The following CCDC3 variants were observed in gnomAD, a reference collection of about 807,000 sequenced individuals.
CCDC3 encodes coiled-coil domain containing 3, also known as coiled-coil domain-containing protein 3.
In CCDC3, 24 loss-of-function variants were observed where a neutral mutation model predicts 21.4. The ratio of observed to expected loss-of-function variants is 1.12; its 90% confidence interval spans 0.81 to 1.58. The LOEUF (loss-of-function observed/expected upper bound fraction) is 1.58, where lower values mean the gene tolerates loss of function less well. Among genes scored for constraint, CCDC3 ranks in the 40% most tolerant of loss-of-function variants. CCDC3 has a pLI of 0.00. For missense variants in CCDC3, 425 were observed against 360.9 expected (o/e 1.18, Z -1.44); for synonymous variants, 186 against 166.0 (o/e 1.12, Z -0.93).
At chr10:12,900,682 C>A (rs1413256179) in intron 2 of CCDC3, among the ~76,000 whole-genome samples, 2 of 138,048 alleles carry the variant, frequency 1.4e-5, no homozygotes, top group African/African-American at 5.5e-5. Flanking sequence ...CAAAGAGACA[C>A]TCCATCTCAA....
chr10:12,905,854 T>C (rs1450211984), intron 2 of CCDC3, among the ~76,000 whole-genome samples: 2 of 152,186 alleles, frequency 1.3e-5, no homozygotes, highest in East Asian at 3.9e-4. Context: ...AGTCCCGCAG[T>C]TGGCCGGTTA....
chr10:13,037,863 G>T (rs572436633), intron 5 of CCDC3, among the ~76,000 whole-genome samples: 12 of 152,244 alleles, frequency 7.9e-5, no homozygotes, highest in African/African-American at 2.6e-4. Flanking sequence ...CACTGCCTTA[G>T]TTGGTGAAAC....
At chr10:13,037,359 A>C (rs887357796) in intron 5 of CCDC3, among the ~76,000 whole-genome samples, 8 of 152,208 alleles carry the variant, frequency 5.3e-5, no homozygotes, top group African/African-American at 7.2e-5. Context: ...TTACGTAACC[A>C]TAATGCCATT....
In CCDC3 at chr10:13,076,835, C is replaced by G. The variant is rs369649945; in HGVS notation, c.-502-2735G>C. 2.2e-4 allele frequency among the ~76,000 whole-genome samples: 34 copies of G among 152,286 alleles called. 1 individual carries two copies. In the South Asian group the frequency reaches 6.6e-3, roughly 30 times the overall value. ...GAGAAGTTTTAAATTGTCAGCCAAT[C>G]GGGTTCAGTTTATATTGTGAGGTCT... On this transcript the variant is annotated intron_variant, in intron 3 of 6. Coordinates refer to the CCDC3 transcript ENST00000378839.
chr10:12,955,196 T>A (rs1228109491), intron 2 of CCDC3, among the ~76,000 whole-genome samples: 3 of 152,256 alleles, frequency 2.0e-5, no homozygotes, highest in Non-Finnish European at 4.4e-5. Flanking sequence ...CAAAATTGTT[T>A]ACTTCCATTT....
chr10:12,902,646 C>T (rs35859988), intron 2 of CCDC3, among the ~76,000 whole-genome samples: 30,823 of 152,100 alleles, frequency 0.2, 3,947 homozygotes, highest in Non-Finnish European at 0.29. Flanking sequence ...AAGGCAGGCT[C>T]GATGGCGGTG....
At chr10:13,049,390 G>A (rs568639230) in intron 5 of CCDC3, among the ~76,000 whole-genome samples, 10 of 152,062 alleles carry the variant, frequency 6.6e-5, no homozygotes, top group South Asian at 2.1e-4. Context: ...ATTGGATGGC[G>A]CCAATGGCAA....
At chr10:12,922,734 G>T (rs1198780979) in intron 2 of CCDC3, among the ~76,000 whole-genome samples, 3 of 152,076 alleles carry the variant, frequency 2.0e-5, no homozygotes, top group African/African-American at 7.2e-5. Flanking sequence ...TAGGAATCTG[G>T]CTGTTTTCTG....
chr10:13,083,637 A>T (rs1411149590), intron 3 of CCDC3, among the ~76,000 whole-genome samples: 1 of 152,214 alleles, frequency 6.6e-6, no homozygotes, highest in Non-Finnish European at 1.5e-5. Flanking sequence ...CTCACAGCCT[A>T]TGCCCCTTCC....
intron 5 of CCDC3, among the ~76,000 whole-genome samples, chr10:13,008,646 G>T (rs1300274114): frequency 2.0e-5 from 3 of 152,316 alleles, no homozygotes; most frequent in Admixed American, 2.0e-4. Context: ...TTTAATAATA[G>T]ATATAGAAAT....
chr10:12,982,090 C>G (rs1423334208), intron 2 of CCDC3, among the ~76,000 whole-genome samples: 1 of 120,208 alleles, frequency 8.3e-6, no homozygotes, highest in African/African-American at 3.2e-5. Context: ...TCACTGCACT[C>G]TAGCCTGGGA....
intron 3 of CCDC3, among the ~76,000 whole-genome samples, chr10:13,082,208 T>C (rs1252938884): frequency 6.6e-6 from 1 of 152,088 alleles, no homozygotes; most frequent in Non-Finnish European, 1.5e-5. Context: ...CTGTTATTTA[T>C]TGGATACAAG....
chr10:12,949,778 G>A (rs899344619), intron 2 of CCDC3, among the ~76,000 whole-genome samples: 1 of 152,194 alleles, frequency 6.6e-6, no homozygotes, highest in East Asian at 1.9e-4. Flanking sequence ...GTATATCTGG[G>A]TTTTCTGCCC....
intron 2 of CCDC3, among the ~76,000 whole-genome samples, chr10:12,942,376 C>T (rs575555578): frequency 7.2e-4 from 109 of 152,216 alleles, no homozygotes; most frequent in African/African-American, 2.1e-3. Context: ...TAAAAGTCGT[C>T]GGCAAAGTTT....
intron 5 of CCDC3, among the ~76,000 whole-genome samples, chr10:13,030,824 G>A (rs1434579647): frequency 6.6e-6 from 1 of 152,118 alleles, no homozygotes; most frequent in African/African-American, 2.4e-5. Flanking sequence ...ACCCAATACA[G>A]GAGCACCCAG....
intron 2 of CCDC3, 139 bp from the exon 3 acceptor site, chr10:12,898,818 A>G (rs909612548): frequency 3.0e-6 from 3 of 1,009,596 alleles, no homozygotes; most frequent in African/African-American, 1.6e-5. Context: ...CATAAACCCC[A>G]GGATGTCCTT....
chr10:13,074,043 G>A (rs2131442045), exon 4 of CCDC3: 1 of 151,082 alleles, frequency 6.6e-6, no homozygotes, highest in South Asian at 2.1e-4. Context: ...CAGAGTTGGT[G>A]TCTCTTTTCT....
intron 3 of CCDC3, chr10:13,074,107 T>C (rs1836920283): frequency 6.7e-6 from 1 of 148,790 alleles, no homozygotes; most frequent in Non-Finnish European, 1.5e-5. Flanking sequence ...GTTACTAGGA[T>C]TGCAAGAAAC....
At chr10:13,042,906 CAAAAAAAAAAAAA>C (rs55911312) in intron 5 of CCDC3, among the ~76,000 whole-genome samples, 3 of 100,426 alleles carry the variant, frequency 3.0e-5, no homozygotes, top group Non-Finnish European at 5.7e-5. Context: ...GAGACTGTCT[CAAAAAAAAAAAAA>C]AAAAAAAAGA....
Sources: gnomAD v4.1 joint callset for allele counts (sites outside exome capture counted in the v4.1 genomes callset) on GRCh38, gnomAD v4.1.1 for gene constraint, MANE v1.5 for transcripts, NCBI Gene and HGNC (gene_info 2026-07-23, HGNC 2026-07-21) for gene names.